Variants in ADAMTS20 observed in about 807,000 individuals in gnomAD.
The protein encoded by ADAMTS20 is ADAM metallopeptidase with thrombospondin type 1 motif 20, also known as A disintegrin and metalloproteinase with thrombospondin motifs 20.
In ADAMTS20, 225 loss-of-function variants were observed where a neutral mutation model predicts 260.1. The observed-to-expected ratio is 0.87, with a 90% CI of 0.78 to 0.97. The LOEUF is 0.97. Ranked by LOEUF, ADAMTS20 falls within the 50% of genes least tolerant of loss-of-function variation. The pLI is 0.00. For synonymous variants in ADAMTS20, 802 were observed against 769.5 expected, an observed-to-expected ratio of 1.04 and a Z score of -0.70; for missense variants, 2,400 against 2,337.7, an observed-to-expected ratio of 1.03 and a Z score of -0.55.
rs1401319948 is a variant in ADAMTS20 at position 43,502,346 on chromosome 12, G to C, written c.673C>G (p.Leu225Val). 5 of 1,608,562 alleles carry C rather than the reference G, an allele frequency of 3.1e-6. No individual in the cohort carries two copies. The highest frequency in any genetic ancestry group is 4.2e-6 in the Non-Finnish European group (5 of 1,178,184). The change falls in exon 4 of 39, where the codon CTT becomes GTT. Residue 225 changes from leucine (L) to valine (V), a missense_variant. Leu to Val is a conservative substitution (Grantham distance 32, BLOSUM62 1). Transcript: ENST00000389420. ...FHTYSNMNED[L>V]NVMKERVLGH... is the part of the protein sequence containing the mutation. Reference sequence around the variant, plus strand: ...AAAACTCTTTCTTTCATTACATTAAGATCTTCATTCATGTTGCTGTAGGTA... The same window carrying C: ...AAAACTCTTTCTTTCATTACATTAACATCTTCATTCATGTTGCTGTAGGTA...
chr12:43,524,721 G>C (rs1026986672), intron 3 of ADAMTS20, among the ~76,000 whole-genome samples: 8 of 152,312 alleles, frequency 5.3e-5, no homozygotes, highest in Admixed American at 3.9e-4. Context: ...AAATGCAGTG[G>C]AAACTTTCAA....
intron 28 of ADAMTS20, among the ~76,000 whole-genome samples, chr12:43,408,190 A>C (rs78723692): frequency 0.022 from 3,415 of 152,280 alleles, 58 homozygotes; most frequent in East Asian, 0.085. Context: ...ACTGCTTTTG[A>C]AAGAATGTGT....
Position 43,462,895 on chromosome 12 carries a change from C to A in ADAMTS20, c.1614G>T (p.Met538Ile). The change falls in exon 11 of 39, where the codon ATG becomes ATT. Residue 538 changes from methionine (M) to isoleucine (I), a missense_variant and splice_region_variant. Met to Ile is a conservative substitution (Grantham distance 10). Transcript: ENST00000389420. Reference protein sequence around the residue: ...PADGTDCGPGMHCRHGLCVNK... With the variant: ...PADGTDCGPGIHCRHGLCVNK... ...AGACTCACCCTTCAAGAAAACCTAC[C>A]ATTCCAGGACCGCAGTCTGTTCCAT... The A allele has an allele frequency of 6.3e-7, 1 of 1,599,600 alleles. No homozygotes were observed. The highest frequency in any genetic ancestry group is 1.7e-5 in the Admixed American group (1 of 58,054).
intron 38 of ADAMTS20, among the ~76,000 whole-genome samples, chr12:43,355,772 T>C (rs976568797): frequency 6.6e-6 from 1 of 152,084 alleles, no homozygotes; most frequent in Admixed American, 6.6e-5. Context: ...TCATGAAGTG[T>C]ACATGTTAGA....
At chr12:43,540,166 G>A (rs1195436282) in intron 2 of ADAMTS20, among the ~76,000 whole-genome samples, 14 of 152,186 alleles carry the variant, frequency 9.2e-5, no homozygotes, top group East Asian at 5.8e-4. Flanking sequence ...CACCATGCCC[G>A]GCCAACCACA....
chr12:43,526,181 G>A (rs916059346), intron 3 of ADAMTS20, among the ~76,000 whole-genome samples: 21 of 152,338 alleles, frequency 1.4e-4, no homozygotes, highest in Admixed American at 7.2e-4. Flanking sequence ...TCGGCCAGGC[G>A]CGCAGTGGCT....
rs1481696416 is a variant in ADAMTS20, at chr12:43,383,684, C to G, written c.4671G>C (p.Glu1557Asp). 1 of 1,613,814 alleles carries G rather than the reference C, an allele frequency of 6.2e-7. No individual in the cohort carries two copies. Among genetic ancestry groups the G allele is most frequent in the Non-Finnish European group, 8.5e-7 (1 of 1,179,844 alleles). ...CERKDSHQRM[E>D]CTDNQIRQVN... ...CTTGTCTGATTTGGTTATCTGTGCA[C>G]TCCATTCGTTGATGTGAATCTTTTC... Residue 1557 changes from glutamate (E) to aspartate (D), a missense_variant, in exon 31 of 39, where the codon GAG (glutamate) becomes GAC (aspartate). Glu to Asp is a conservative substitution (Grantham distance 45). Coordinates refer to ENST00000389420, the MANE Select transcript of ADAMTS20 (RefSeq NM_025003.5).
chr12:43,476,716 A>G (rs1241048199), intron 7 of ADAMTS20, among the ~76,000 whole-genome samples: 1 of 124,964 alleles, frequency 8.0e-6, no homozygotes, highest in Admixed American at 8.8e-5. Context: ...GAAATTGGAA[A>G]TCATCATTCT....
At chr12:43,408,050 G>A (rs528022722) in intron 28 of ADAMTS20, among the ~76,000 whole-genome samples, 41 of 152,126 alleles carry the variant, frequency 2.7e-4, no homozygotes, top group Non-Finnish European at 2.1e-4. Flanking sequence ...TACAAGTATA[G>A]GGTGACATGG....
rs1010945685 is a variant in ADAMTS20, at chr12:43,433,694, G to T, written c.2720+551C>A. The T allele has an allele frequency of 6.8e-5, 21 of 309,960 alleles. No individual in the cohort carries two copies. In the Admixed American group the frequency reaches 8.3e-4, roughly 12 times the overall value. 19.2% of individuals were successfully genotyped at this position (309,960 alleles called of 1,614,324 possible). A position where few individuals can be genotyped will look rare whatever the true frequency, so the allele number is the denominator to read the frequency against. ...AGACCAATCACGCACACACACACAT[G>T]CACACACAAACACACACACACACAC... is the stretch of plus-strand genomic sequence containing the variant. On this transcript the variant is annotated intron_variant, in intron 19 of 38. Transcript: ENST00000389420.
At chr12:43,387,378 G>A (rs368538327) in intron 29 of ADAMTS20, among the ~76,000 whole-genome samples, 39 of 152,148 alleles carry the variant, frequency 2.6e-4, no homozygotes, top group African/African-American at 7.7e-4. Context: ...TCCCAGAGGG[G>A]CACCCATCAG....
chr12:43,545,965 G>C (rs1400246472), intron 2 of ADAMTS20, among the ~76,000 whole-genome samples: 2 of 152,204 alleles, frequency 1.3e-5, no homozygotes, highest in African/African-American at 4.8e-5. Context: ...CCATACTGCT[G>C]TTTGACTAGT....
At chr12:43,537,976 A>T (rs1943320133) in intron 2 of ADAMTS20, among the ~76,000 whole-genome samples, 1 of 152,226 alleles carries the variant, frequency 6.6e-6, no homozygotes, top group Admixed American at 6.5e-5. Flanking sequence ...TGCAACAAAC[A>T]GTGGGAGTAC....
intron 18 of ADAMTS20, 81 bp from the exon 19 acceptor site, chr12:43,434,452 A>G (rs1941510936): frequency 1.3e-5 from 18 of 1,395,924 alleles, no homozygotes; most frequent in African/African-American, 1.5e-5. Flanking sequence ...TTCTGCTAAT[A>G]GCTTAAAGGA....
intron 7 of ADAMTS20, among the ~76,000 whole-genome samples, chr12:43,485,696 A>G (rs1157463997): frequency 6.6e-6 from 1 of 152,176 alleles, no homozygotes; most frequent in Non-Finnish European, 1.5e-5. Flanking sequence ...AAAGACTCCT[A>G]GATCTGATAA....
chr12:43,481,121 G>C (rs993011274), intron 7 of ADAMTS20, among the ~76,000 whole-genome samples: 3 of 151,940 alleles, frequency 2.0e-5, no homozygotes, highest in Admixed American at 6.6e-5. Flanking sequence ...AAATTCTATG[G>C]AATTCACCAG....
chr12:43,518,817 GAAAAAA>G (rs34834714), intron 3 of ADAMTS20, among the ~76,000 whole-genome samples: 3 of 111,994 alleles, frequency 2.7e-5, no homozygotes, highest in Admixed American at 1.9e-4. Context: ...ACTGGCTCAG[GAAAAAA>G]AAAAAAAAAA....
intron 26 of ADAMTS20, 75 bp downstream of exon 26, chr12:43,428,166 T>A: frequency 7.1e-7 from 1 of 1,415,256 alleles, no homozygotes; most frequent in Non-Finnish European, 9.7e-7. Context: ...ACTGATGGCA[T>A]CATATACATA....
chr12:43,433,692 A>T (rs1228213629), intron 19 of ADAMTS20: 1 of 348,794 alleles, frequency 2.9e-6, no homozygotes, highest in African/African-American at 3.1e-5. Context: ...ACACACACAC[A>T]TGCACACACA....
Sources: allele counts gnomAD v4.1 joint callset (sites outside exome capture counted in the v4.1 genomes callset), GRCh38; gene constraint gnomAD v4.1.1; transcripts MANE v1.5; gene names NCBI Gene and HGNC (gene_info 2026-07-23, HGNC 2026-07-21).